CBR4: variants seen among roughly 807,000 people sequenced by gnomAD.
CBR4 encodes the protein carbonyl reductase 4, also known as 3-oxoacyl-[acyl-carrier-protein] reductase.
In CBR4, 22 loss-of-function variants were observed where a neutral mutation model predicts 21.0. The observed-to-expected ratio is 1.05, with a 90% confidence interval of 0.75 to 1.50. The LOEUF is 1.50. CBR4 is among the 40% of genes most tolerant of loss of function. CBR4 has a pLI of 0.00. For missense variants in CBR4, 302 were observed against 286.3 expected, an observed-to-expected ratio of 1.05 and a Z score of -0.40; for synonymous variants, 100 against 104.4, an observed-to-expected ratio of 0.96 and a Z score of 0.26.
chr4:168,897,694 C>T (rs1364746154), intron 2 of CBR4, among the ~76,000 whole-genome samples: 1 of 152,176 alleles, frequency 6.6e-6, no homozygotes, highest in African/African-American at 2.4e-5. Flanking sequence ...AGAAGCAATC[C>T]TCCCACCTCG....
chr4:168,905,444 G>A (rs984119452), intron 2 of CBR4, among the ~76,000 whole-genome samples: 4 of 151,652 alleles, frequency 2.6e-5, no homozygotes, highest in African/African-American at 9.7e-5. Flanking sequence ...CACTGCACCC[G>A]GCCTGAGACT....
chr4:168,931,985 T>C (rs1018898428), intron 2 of CBR4, among the ~76,000 whole-genome samples: 6 of 151,928 alleles, frequency 3.9e-5, no homozygotes, highest in Non-Finnish European at 1.5e-5. Flanking sequence ...AAGAGGTGAC[T>C]GTTCTACCAG....
intron 2 of CBR4, among the ~76,000 whole-genome samples, chr4:168,913,376 A>G (rs892922308): frequency 6.6e-6 from 1 of 152,032 alleles, no homozygotes; most frequent in Non-Finnish European, 1.5e-5. Flanking sequence ...TGACCTCGTG[A>G]TCCACCTGCG....
At chr4:168,994,068 G>T (rs1765059112) in intron 4 of CBR4, among the ~76,000 whole-genome samples, 1 of 152,172 alleles carries the variant, frequency 6.6e-6, no homozygotes, top group Non-Finnish European at 1.5e-5. Context: ...GGGAAATCAG[G>T]GGTCTCACGG....
Position 168,956,018 on chromosome 4 carries a change from T to C in CBR4, n.169+46053A>G, listed in dbSNP as rs369086473. Among the ~76,000 whole-genome samples, 3 of 152,166 alleles carry C rather than the reference T, an allele frequency of 2.0e-5. No homozygotes were observed. In the South Asian group the frequency reaches 6.2e-4, roughly 32 times the overall value. On this transcript the variant is annotated intron_variant and non_coding_transcript_variant, in intron 2 of 3. Transcript: ENST00000509108. Reference sequence around the variant, plus strand: ...ATTAAAGTGTCTGATGTATATAAAATACAATCGGCACAGCAGCACTGCTTT... The same window carrying C: ...ATTAAAGTGTCTGATGTATATAAAACACAATCGGCACAGCAGCACTGCTTT...
chr4:168,901,539 T>C (rs1756513168), intron 2 of CBR4, among the ~76,000 whole-genome samples: 1 of 152,174 alleles, frequency 6.6e-6, no homozygotes, highest in Admixed American at 6.5e-5. Flanking sequence ...TGTATACTTA[T>C]TACAGCTTCT....
At chr4:168,971,647 ATTTG>A (rs1764213868) in intron 2 of CBR4, among the ~76,000 whole-genome samples, 1 of 151,894 alleles carries the variant, frequency 6.6e-6, no homozygotes, top group African/African-American at 2.4e-5. Flanking sequence ...TGATAGGATT[ATTTG>A]TTTTTTTCTT....
Position 168,987,767 on chromosome 4 carries a change from A to C in CBR4, c.*2383T>G. The C allele has an allele frequency of 1.0e-6, 1 of 984,992 alleles. No individual in the cohort carries two copies. The highest frequency in any genetic ancestry group is 1.2e-6 in the Non-Finnish European group (1 of 829,502). The allele number at this position is 984,992 out of a possible 1,614,324, so 61.0% of individuals were successfully genotyped here. A position where few individuals can be genotyped will look rare whatever the true frequency, so the allele number is the denominator to read the frequency against. On this transcript the variant is annotated 3_prime_UTR_variant, in exon 5 of 5. Transcript: ENST00000306193. ...CTTCTCTCTTTATTCTGAATAACAG[A>C]AGCACGTAAATTAAATTATCCTCTT...
intron 2 of CBR4, among the ~76,000 whole-genome samples, chr4:168,976,994 CCT>C (rs1276439733): frequency 6.6e-6 from 1 of 152,228 alleles, no homozygotes; most frequent in Non-Finnish European, 1.5e-5. Context: ...ACTTTTCCCC[CCT>C]CACACTTTGG....
At chr4:168,937,609 G>T (rs532066862) in intron 2 of CBR4, among the ~76,000 whole-genome samples, 15 of 140,028 alleles carry the variant, frequency 1.1e-4, no homozygotes, top group African/African-American at 3.7e-4. Context: ...ATAAATGGAA[G>T]AATATTTACC....
intron 2 of CBR4, among the ~76,000 whole-genome samples, chr4:168,970,998 C>T (rs987954883): frequency 2.6e-5 from 4 of 152,068 alleles, no homozygotes; most frequent in African/African-American, 7.2e-5. Flanking sequence ...TACCCAGGAG[C>T]GGGATTGCTG....
At position 168,927,967 on chromosome 4, in the gene CBR4, T is replaced by C. The variant is rs886059215; in HGVS notation, n.170-33202A>G. ...TCAGTTACTCAATTCATACGTAGTA[T>C]TTTTTAAAATAATTTTATATCTGTG... On this transcript the variant is annotated intron_variant and non_coding_transcript_variant, in intron 2 of 3. Coordinates refer to the CBR4 transcript ENST00000509108. 1 of 196,340 alleles carries C rather than the reference T, an allele frequency of 5.1e-6. No individual in the cohort carries two copies. Among genetic ancestry groups the C allele is most frequent in the Admixed American group, 6.1e-5 (1 of 16,490 alleles). 12.2% of individuals were successfully genotyped at this position (196,340 alleles called of 1,614,324 possible).
chr4:168,937,543 C>T (rs565507286), intron 2 of CBR4, among the ~76,000 whole-genome samples: 4 of 151,924 alleles, frequency 2.6e-5, no homozygotes, highest in Admixed American at 6.6e-5. Flanking sequence ...CAAGACCCAT[C>T]GGTGTCCTAT....
At chr4:168,910,617 C>G (rs575030187) in intron 2 of CBR4, among the ~76,000 whole-genome samples, 1 of 152,054 alleles carries the variant, frequency 6.6e-6, no homozygotes, top group African/African-American at 2.4e-5. Flanking sequence ...CAATGCTGCC[C>G]GGTGCTTTAC....
At chr4:168,952,863 G>A (rs927154457) in intron 2 of CBR4, among the ~76,000 whole-genome samples, 1 of 152,192 alleles carries the variant, frequency 6.6e-6, no homozygotes, top group Non-Finnish European at 1.5e-5. Context: ...GGCTTTGGTG[G>A]TTTAATGTTC....
intron 2 of CBR4, among the ~76,000 whole-genome samples, chr4:168,977,723 T>G (rs1764414327): frequency 6.6e-6 from 1 of 152,170 alleles, no homozygotes; most frequent in South Asian, 2.1e-4. Flanking sequence ...AAACTCATGA[T>G]CTCCCTGCCG....
intron 3 of CBR4, chr4:169,006,032 C>T (rs1416601804): frequency 3.5e-6 from 2 of 569,428 alleles, no homozygotes; most frequent in Non-Finnish European, 5.9e-6. Context: ...GGCATATACT[C>T]CACAGCTTAT....
chr4:168,939,023 A>G (rs939063307), intron 2 of CBR4, among the ~76,000 whole-genome samples: 2 of 152,232 alleles, frequency 1.3e-5, no homozygotes, highest in Non-Finnish European at 2.9e-5. Flanking sequence ...GATATCCCTG[A>G]TGAACATCGT....
chr4:168,957,332 T>C (rs1405703423), intron 2 of CBR4, among the ~76,000 whole-genome samples: 1 of 152,048 alleles, frequency 6.6e-6, no homozygotes, highest in Non-Finnish European at 1.5e-5. Context: ...CTAGATGACA[T>C]ATGACTAGTC....
Sources: gnomAD v4.1 joint callset for allele counts (sites outside exome capture counted in the v4.1 genomes callset) on GRCh38, gnomAD v4.1.1 for gene constraint, MANE v1.5 for transcripts, NCBI Gene and HGNC (gene_info 2026-07-23, HGNC 2026-07-21) for gene names.